TMEM74: variants seen among roughly 807,000 people sequenced by gnomAD.
TMEM74 encodes the protein transmembrane protein 74.
A neutral mutation model predicts 18.1 loss-of-function variants in TMEM74; 13 were observed. That is an observed-to-expected ratio of 0.72 (90% CI 0.47 to 1.14). TMEM74 has a LOEUF of 1.14. Ranked by LOEUF, TMEM74 falls within the 50% of genes most tolerant of loss-of-function variation. TMEM74 has a pLI of 0.00. For missense variants in TMEM74, 372 were observed against 375.9 expected (o/e 0.99, Z 0.09); for synonymous variants, 159 against 146.6 (o/e 1.08, Z -0.61).
chr8:108,646,885 C>T (rs1167882829), intron 2 of TMEM74, among the ~76,000 whole-genome samples: 5 of 152,158 alleles, frequency 3.3e-5, no homozygotes, highest in Non-Finnish European at 7.4e-5. Flanking sequence ...TTACATATTA[C>T]ATTGGAGAAT....
At chr8:108,664,247 C>T in intron 1 of TMEM74, among the ~76,000 whole-genome samples, 1 of 152,158 alleles carries the variant, frequency 6.6e-6, no homozygotes. Flanking sequence ...TTGATTCTTC[C>T]TATCCATGAA....
intron 1 of TMEM74, among the ~76,000 whole-genome samples, chr8:108,706,787 G>GTGTGTGTGTA (rs1460751617): frequency 7.9e-5 from 12 of 151,286 alleles, no homozygotes; most frequent in African/African-American, 2.9e-4. Context: ...GTGTGTGTGT[G>GTGTGTGTGTA]TGTGTGTGTG....
chr8:108,644,905 A>C (rs1728941664), intron 2 of TMEM74, among the ~76,000 whole-genome samples: 1 of 152,174 alleles, frequency 6.6e-6, no homozygotes, highest in South Asian at 2.1e-4. Flanking sequence ...TATTAGTGAG[A>C]GTGTAAATTA....
intron 2 of TMEM74, among the ~76,000 whole-genome samples, chr8:108,648,257 C>T (rs1408355927): frequency 6.6e-6 from 1 of 152,054 alleles, no homozygotes; most frequent in East Asian, 1.9e-4. Flanking sequence ...ACTGCTTGTG[C>T]ATTGGAGCCT....
In TMEM74 at chr8:108,629,718, T is replaced by C. The variant is rs554832825; in HGVS notation, n.265-20892A>G. On this transcript the variant is annotated intron_variant and non_coding_transcript_variant, in intron 2 of 3. Transcript: ENST00000518838. ...TAAAATAATTTTCAACCCAGAATTT[T>C]ATATCTGGTCAAACAAAGCTTTATA... 3.4e-3 allele frequency among the ~76,000 whole-genome samples: 512 copies of C among 152,080 alleles called. 1 individual carries two copies. The highest frequency in any genetic ancestry group is 5.4e-3 in the Non-Finnish European group (366 of 67,930).
At chr8:108,614,957 C>T (rs187542821) in intron 2 of TMEM74, among the ~76,000 whole-genome samples, 3 of 152,054 alleles carry the variant, frequency 2.0e-5, no homozygotes, top group Non-Finnish European at 1.5e-5. Flanking sequence ...GTTCTGAGAC[C>T]TGCACCATAC....
intron 3 of TMEM74, among the ~76,000 whole-genome samples, chr8:108,608,338 A>G (rs921557941): frequency 4.6e-5 from 7 of 151,408 alleles, no homozygotes; most frequent in Non-Finnish European, 7.4e-5. Flanking sequence ...AAAAAGAACT[A>G]GACAGTCTGT....
At chr8:108,669,075 A>G (rs1224397078) in intron 1 of TMEM74, among the ~76,000 whole-genome samples, 3 of 151,880 alleles carry the variant, frequency 2.0e-5, no homozygotes, top group African/African-American at 7.3e-5. Context: ...TACACACCCT[A>G]CTCAACCATT....
At chr8:108,618,371 G>C (rs1812406879) in intron 2 of TMEM74, among the ~76,000 whole-genome samples, 2 of 152,040 alleles carry the variant, frequency 1.3e-5, no homozygotes, top group African/African-American at 4.8e-5. Flanking sequence ...GCTTGAGGCT[G>C]GTTTTGGAAC....
In TMEM74 at chr8:108,785,103, G is replaced by T; in HGVS notation, c.-5C>A. Reference sequence around the variant, plus strand: ...AGCAAGGTAGTGGAGCTCCATGAGAGCTAGTCAGACATCCCCCAGCAGCTT... The same window carrying T: ...AGCAAGGTAGTGGAGCTCCATGAGATCTAGTCAGACATCCCCCAGCAGCTT... On this transcript the variant is annotated 5_prime_UTR_variant, in exon 2 of 2. Transcript: ENST00000297459. The T allele has an allele frequency of 1.3e-6, 2 of 1,580,826 alleles. No homozygotes were observed. The highest frequency in any genetic ancestry group is 2.3e-5 in the South Asian group (2 of 85,352).
intron 2 of TMEM74, among the ~76,000 whole-genome samples, chr8:108,642,131 G>A (rs187313694): frequency 1.3e-5 from 2 of 152,090 alleles, no homozygotes; most frequent in Non-Finnish European, 2.9e-5. Context: ...AGGCGCCGTG[G>A]CTCATGCCTG....
chr8:108,775,802 A>G (rs190492550), downstream of TMEM74, among the ~76,000 whole-genome samples: 1 of 152,256 alleles, frequency 6.6e-6, no homozygotes, highest in Non-Finnish European at 1.5e-5. Flanking sequence ...CATTTGTATA[A>G]GGTGTGGCCG....
intron 2 of TMEM74, among the ~76,000 whole-genome samples, chr8:108,641,304 T>C (rs890776270): frequency 1.3e-5 from 2 of 152,086 alleles, no homozygotes; most frequent in Admixed American, 6.6e-5. Context: ...TTAGGAAAAA[T>C]ACAAAGAAAA....
At chr8:108,732,400 T>TA (rs918549692) in intron 1 of TMEM74, among the ~76,000 whole-genome samples, 4 of 152,082 alleles carry the variant, frequency 2.6e-5, no homozygotes, top group Non-Finnish European at 4.4e-5. Context: ...TTTAAGACTA[T>TA]AAAAAAGCTG....
chr8:108,718,972 A>ATATATATATACGTATATATACG (rs1813557577), intron 1 of TMEM74, among the ~76,000 whole-genome samples: 1 of 57,980 alleles, frequency 1.7e-5, no homozygotes, highest in Non-Finnish European at 3.0e-5. Flanking sequence ...TTGTGTGTGT[A>ATATATATATACGTATATATACG]TATATATATA....
intron 1 of TMEM74, among the ~76,000 whole-genome samples, chr8:108,744,747 T>G (rs1334559193): frequency 6.6e-6 from 1 of 152,190 alleles, no homozygotes; most frequent in Non-Finnish European, 1.5e-5. Context: ...GAGCTAGACT[T>G]AGATTGTAGA....
At chr8:108,696,303 A>C (rs1192667518) in intron 1 of TMEM74, among the ~76,000 whole-genome samples, 1 of 152,220 alleles carries the variant, frequency 6.6e-6, no homozygotes, top group Non-Finnish European at 1.5e-5. Flanking sequence ...TGGAAGAGGT[A>C]ATTATACATT....
At chr8:108,752,343 T>C (rs1275953494) in intron 1 of TMEM74, among the ~76,000 whole-genome samples, 2 of 152,100 alleles carry the variant, frequency 1.3e-5, no homozygotes, top group African/African-American at 2.4e-5. Context: ...TGAGAGTAAA[T>C]GCATTATTCA....
In TMEM74 at chr8:108,641,513, T is replaced by C. The variant is rs186988154; in HGVS notation, n.264+13780A>G. Among the ~76,000 whole-genome samples, 148 of 152,226 alleles carry C rather than the reference T, an allele frequency of 9.7e-4. 1 individual carries two copies. The highest frequency in any genetic ancestry group is 8.5e-3 in the Admixed American group (130 of 15,280). On this transcript the variant is annotated intron_variant and non_coding_transcript_variant, in intron 2 of 3. Coordinates refer to the TMEM74 transcript ENST00000518838. ...CTCTCCTGCTGTGCAGTCCATGTGC[T>C]ACTATACTCTTGAGGTCACACTGTA...
Sources: allele counts gnomAD v4.1 joint callset (sites outside exome capture counted in the v4.1 genomes callset), GRCh38; gene constraint gnomAD v4.1.1; transcripts MANE v1.5; gene names NCBI Gene and HGNC (gene_info 2026-07-23, HGNC 2026-07-21).